KCNN2: variants seen among roughly 807,000 people sequenced by gnomAD.
KCNN2 encodes the protein potassium calcium-activated channel subfamily N member 2.
A neutral mutation model predicts 55.5 loss-of-function variants in KCNN2; 24 were observed. The ratio of observed to expected loss-of-function variants is 0.43; its 90% CI spans 0.31 to 0.61. KCNN2 has a LOEUF of 0.61. KCNN2 is among the 20% of genes least tolerant of loss of function. The pLI, the probability that KCNN2 is intolerant of heterozygous loss-of-function variation, is 0.08. For missense variants in KCNN2, 754 were observed against 853.6 expected (o/e 0.88, Z 1.45); for synonymous variants, 431 against 336.1 (o/e 1.28, Z -3.09).
At chr5:114,374,002 G>T (rs1757859472) in intron 2 of KCNN2, among the ~76,000 whole-genome samples, 1 of 151,956 alleles carries the variant, frequency 6.6e-6, no homozygotes, top group South Asian at 2.1e-4. Flanking sequence ...CTGTGAGCAG[G>T]TTTGACTATC....
Position 114,362,852 on chromosome 5 carries a change from A to G in KCNN2, c.713A>G (p.Glu238Gly). 2 of 1,599,882 alleles carry G rather than the reference A, an allele frequency of 1.3e-6. No individual in the cohort carries two copies. The highest frequency in any genetic ancestry group is 2.2e-5 in the South Asian group (2 of 90,876). The change falls in exon 1 of 8, where the codon GAG (glutamate) becomes GGG (glycine). Residue 238 changes from glutamate (E) to glycine (G), a missense_variant. Transcript: ENST00000673685. ...NLSASRRNLH[E>G]MDSEAQPLQP... The stretch of plus-strand genomic sequence containing the variant: ...AGCGCGTCCCGCCGGAACCTGCACG[A>G]GATGGACTCAGAGGCGCAGCCCCTG...
At chr5:114,157,469 T>G (rs1030856252) in intron 1 of KCNN2, among the ~76,000 whole-genome samples, 3 of 152,164 alleles carry the variant, frequency 2.0e-5, no homozygotes, top group Non-Finnish European at 4.4e-5. Flanking sequence ...TAAACATACA[T>G]GTGCATGTGT....
intron 2 of KCNN2, among the ~76,000 whole-genome samples, chr5:114,324,300 G>C (rs1475098579): frequency 6.6e-6 from 1 of 152,190 alleles, no homozygotes; most frequent in Non-Finnish European, 1.5e-5. Flanking sequence ...GGTCTTTGCA[G>C]ATATGATTAA....
intron 2 of KCNN2, among the ~76,000 whole-genome samples, chr5:114,264,349 A>G (rs539431701): frequency 1.1e-3 from 166 of 152,206 alleles, no homozygotes; most frequent in Non-Finnish European, 1.7e-3. Flanking sequence ...CTTTCCTTCC[A>G]TGGCATTCTG....
At chr5:114,401,891 T>TG (rs1285630225) in intron 2 of KCNN2, among the ~76,000 whole-genome samples, 2 of 152,220 alleles carry the variant, frequency 1.3e-5, no homozygotes, top group Non-Finnish European at 2.9e-5. Context: ...TGGGTATAGA[T>TG]TAGATTTTAC....
At chr5:114,102,458 A>G (rs1201770013) in intron 1 of KCNN2, among the ~76,000 whole-genome samples, 1 of 152,042 alleles carries the variant, frequency 6.6e-6, no homozygotes, top group Non-Finnish European at 1.5e-5. Flanking sequence ...CCTTTTGTCA[A>G]TTTTGGCTTT....
intron 2 of KCNN2, among the ~76,000 whole-genome samples, chr5:114,343,161 G>A (rs1757047926): frequency 6.6e-6 from 1 of 152,142 alleles, no homozygotes; most frequent in Non-Finnish European, 1.5e-5. Flanking sequence ...GATATGTAGT[G>A]GGTCAGGAAA....
chr5:114,242,513 A>G (rs1754665888), intron 2 of KCNN2, among the ~76,000 whole-genome samples: 1 of 152,214 alleles, frequency 6.6e-6, no homozygotes, highest in Non-Finnish European at 1.5e-5. Flanking sequence ...TTGAGACACA[A>G]CCTGAATGTC....
chr5:114,118,036 T>G (rs543438215), intron 1 of KCNN2, among the ~76,000 whole-genome samples: 41 of 152,250 alleles, frequency 2.7e-4, no homozygotes, highest in Middle Eastern at 3.4e-3. Flanking sequence ...AGGCTGGCCT[T>G]GCCATCACCA....
At chr5:114,302,619 G>C (rs1407067900) in intron 2 of KCNN2, among the ~76,000 whole-genome samples, 1 of 152,144 alleles carries the variant, frequency 6.6e-6, no homozygotes, top group African/African-American at 2.4e-5. Flanking sequence ...ATCCCTCTTA[G>C]AGAAATAAAA....
At chr5:114,093,146 C>T (rs144962593) in intron 1 of KCNN2, among the ~76,000 whole-genome samples, 1,053 of 152,222 alleles carry the variant, frequency 6.9e-3, no homozygotes, top group Middle Eastern at 0.014. Flanking sequence ...TCAAGTTCAA[C>T]GTTGAACTCT....
intron 1 of KCNN2, among the ~76,000 whole-genome samples, chr5:114,219,069 G>A (rs1041458352): frequency 6.6e-5 from 10 of 152,212 alleles, no homozygotes; most frequent in South Asian, 2.1e-4. Context: ...GTAGGTAAGC[G>A]AGTATGGGAT....
chr5:114,403,173 A>C (rs896011698), intron 2 of KCNN2, among the ~76,000 whole-genome samples: 4 of 152,150 alleles, frequency 2.6e-5, no homozygotes, highest in Non-Finnish European at 4.4e-5. Context: ...CTTTATTGGA[A>C]CTCAGCTGGG....
intron 1 of KCNN2, among the ~76,000 whole-genome samples, chr5:114,189,242 A>C (rs1167269557): frequency 6.6e-6 from 1 of 151,952 alleles, no homozygotes; most frequent in East Asian, 1.9e-4. Context: ...GCAGTCTGCC[A>C]GGCAGAGACC....
At chr5:114,314,250 T>C (rs1756457309) in intron 2 of KCNN2, among the ~76,000 whole-genome samples, 1 of 152,136 alleles carries the variant, frequency 6.6e-6, no homozygotes, top group Non-Finnish European at 1.5e-5. Context: ...ACTTCCCCCC[T>C]GCATAGTTTC....
intron 1 of KCNN2, among the ~76,000 whole-genome samples, chr5:114,158,473 C>A (rs1379125106): frequency 1.3e-5 from 2 of 151,772 alleles, no homozygotes; most frequent in African/African-American, 2.4e-5. Flanking sequence ...TTAGGATTGA[C>A]TTGGCAATGC....
chr5:114,141,708 TG>T, intron 1 of KCNN2, among the ~76,000 whole-genome samples: 1 of 152,348 alleles, frequency 6.6e-6, no homozygotes, highest in African/African-American at 2.4e-5. Flanking sequence ...TTCGCCACAC[TG>T]TCTTCCACAA....
At chr5:114,420,227 A>G (rs1022126453) in intron 3 of KCNN2, among the ~76,000 whole-genome samples, 2 of 152,256 alleles carry the variant, frequency 1.3e-5, no homozygotes, top group Admixed American at 1.3e-4. Flanking sequence ...ACATTGGCAG[A>G]ATGCCTTTCC....
chr5:114,242,965 T>A (rs938959785), intron 2 of KCNN2, among the ~76,000 whole-genome samples: 3 of 152,180 alleles, frequency 2.0e-5, no homozygotes, highest in Admixed American at 2.0e-4. Context: ...GAGTGTTTTC[T>A]CAGTGTCAAA....
Sources: gnomAD v4.1 joint callset for allele counts (sites outside exome capture counted in the v4.1 genomes callset) on GRCh38, gnomAD v4.1.1 for gene constraint, MANE v1.5 for transcripts, NCBI Gene and HGNC (gene_info 2026-07-23, HGNC 2026-07-21) for gene names.